The following INPP4B variants were observed in gnomAD, a reference collection of about 807,000 sequenced individuals.
INPP4B encodes inositol polyphosphate 4-phosphatase type II.
INPP4B carries 55 observed loss-of-function variants against 122.5 expected under a neutral mutation model. The observed-to-expected ratio is 0.45, with a 90% CI of 0.36 to 0.56. The LOEUF is 0.56. Among genes scored for constraint, INPP4B ranks in the 20% least tolerant of loss-of-function variants. The probability of loss-of-function intolerance (pLI) is 0.00; values close to 1 mark genes in which losing one functional copy is unlikely to be tolerated. For synonymous variants in INPP4B, 403 were observed against 388.7 expected, an observed-to-expected ratio of 1.04 and a Z score of -0.43; for missense variants, 1,000 against 1,097.7, an observed-to-expected ratio of 0.91 and a Z score of 1.26.
chr4:142,817,995 G>C (rs886945401), intron 1 of INPP4B, among the ~76,000 whole-genome samples: 12 of 152,162 alleles, frequency 7.9e-5, no homozygotes, highest in African/African-American at 2.6e-4. Flanking sequence ...AGAGTGAAAG[G>C]GAGGGAAAGA....
chr4:142,496,857 C>A (rs1822639740), intron 2 of INPP4B: 1 of 151,388 alleles, frequency 6.6e-6, no homozygotes, highest in African/African-American at 2.4e-5. Flanking sequence ...AAAAGATATA[C>A]TTTAAGACTG....
chr4:142,730,931 G>A (rs557017541), intron 1 of INPP4B, among the ~76,000 whole-genome samples: 6 of 151,570 alleles, frequency 4.0e-5, no homozygotes, highest in African/African-American at 1.5e-4. Context: ...GCATAGCAGT[G>A]GCATAGCAGT....
At chr4:142,152,143 G>C (rs1326530870) in intron 17 of INPP4B, among the ~76,000 whole-genome samples, 2 of 130,536 alleles carry the variant, frequency 1.5e-5, no homozygotes, top group Non-Finnish European at 3.1e-5. Context: ...CCACAATCTC[G>C]GCTCACTGCA....
intron 3 of INPP4B, among the ~76,000 whole-genome samples, chr4:142,451,891 G>A (rs866858608): frequency 2.0e-5 from 3 of 152,158 alleles, no homozygotes; most frequent in African/African-American, 7.2e-5. Context: ...TATATGAAGG[G>A]AAGGGGGTGC....
intron 2 of INPP4B, among the ~76,000 whole-genome samples, chr4:142,520,380 A>G (rs958961408): frequency 5.3e-5 from 8 of 151,960 alleles, no homozygotes; most frequent in Admixed American, 3.3e-4. Context: ...TGATATTTTC[A>G]TTTAATACCC....
chr4:142,506,191 A>T (rs190376539), intron 2 of INPP4B, among the ~76,000 whole-genome samples: 1 of 152,326 alleles, frequency 6.6e-6, no homozygotes, highest in Admixed American at 6.5e-5. Context: ...ATTTAAATGT[A>T]GCAGGATATT....
At chr4:142,502,005 G>A (rs1325598590) in intron 2 of INPP4B, among the ~76,000 whole-genome samples, 1 of 152,162 alleles carries the variant, frequency 6.6e-6, no homozygotes, top group African/African-American at 2.4e-5. Flanking sequence ...AGCTAGCTCT[G>A]AGAAGTAAGT....
intron 25 of INPP4B, among the ~76,000 whole-genome samples, chr4:142,040,788 A>G (rs762041674): frequency 3.9e-5 from 6 of 152,210 alleles, no homozygotes; most frequent in Non-Finnish European, 7.3e-5. Context: ...AACATTCTGT[A>G]GGTGTGTTTG....
intron 2 of INPP4B, among the ~76,000 whole-genome samples, chr4:142,580,686 C>T (rs1436914387): frequency 6.6e-6 from 1 of 152,012 alleles, no homozygotes; most frequent in African/African-American, 2.4e-5. Context: ...GCTTCACCTC[C>T]ACCCCCAAAA....
intron 2 of INPP4B, among the ~76,000 whole-genome samples, chr4:142,609,833 A>G (rs1455029839): frequency 1.3e-5 from 2 of 152,172 alleles, no homozygotes; most frequent in South Asian, 4.1e-4. Context: ...CTCACTGTTC[A>G]TAACACTCCC....
rs760400421 is a variant in INPP4B, at chr4:142,405,297, C to A, written c.164G>T (p.Arg55Leu). ...CACCAGTGTATTCAGTTTACGATCA[C>A]GGACAGGAGCCACGAGATCCTTGCA... ...LACKDLVAPVRDRKLNTLVQI... is the reference protein window; with the variant it reads ...LACKDLVAPVLDRKLNTLVQI... Residue 55 changes from arginine to leucine, a missense_variant, in exon 6 of 26, where the codon CGT (arginine) becomes CTT (leucine). Arg to Leu is a moderately radical substitution (Grantham distance 102). Coordinates refer to ENST00000262992, the MANE Select transcript of INPP4B (RefSeq NM_001101669.3). 6.2e-7 allele frequency: 1 copy of A among 1,612,578 alleles called. No homozygotes were observed. The highest frequency in any genetic ancestry group is 2.2e-5 in the East Asian group (1 of 44,862).
chr4:142,772,819 C>A (rs1360274758), intron 1 of INPP4B, among the ~76,000 whole-genome samples: 2 of 151,842 alleles, frequency 1.3e-5, no homozygotes, highest in African/African-American at 4.8e-5. Context: ...CCAAGGCAGG[C>A]AGATTGCCTG....
chr4:142,826,955 T>C (rs1166487307), intron 1 of INPP4B, among the ~76,000 whole-genome samples: 3 of 152,206 alleles, frequency 2.0e-5, no homozygotes, highest in Admixed American at 2.0e-4. Flanking sequence ...GGCCTATTGG[T>C]GCCTTTCGGT....
At chr4:142,274,759 C>T (rs1396408905) in intron 9 of INPP4B, among the ~76,000 whole-genome samples, 4 of 151,722 alleles carry the variant, frequency 2.6e-5, no homozygotes, top group Admixed American at 6.6e-5. Flanking sequence ...CTGCAGTAAT[C>T]AGTATCTCAA....
intron 3 of INPP4B, among the ~76,000 whole-genome samples, chr4:142,449,664 C>A (rs1485620074): frequency 6.6e-6 from 1 of 151,210 alleles, no homozygotes; most frequent in Non-Finnish European, 1.5e-5. Context: ...CGTGCCACTG[C>A]ACTCCAGCCT....
intron 3 of INPP4B, among the ~76,000 whole-genome samples, chr4:142,452,378 G>A (rs146989785): frequency 2.8e-4 from 43 of 152,318 alleles, no homozygotes; most frequent in African/African-American, 8.2e-4. Flanking sequence ...CATCTGACTC[G>A]TTAGATTTTG....
intron 5 of INPP4B, chr4:142,423,632 T>G (rs3775712): frequency 0.28 from 73,101 of 264,208 alleles, 10,648 homozygotes; most frequent in Non-Finnish European, 0.31. Context: ...ATTGTACCAG[T>G]ACATATTGTT....
chr4:142,637,798 A>G (rs996530306), intron 2 of INPP4B, among the ~76,000 whole-genome samples: 13 of 152,298 alleles, frequency 8.5e-5, no homozygotes, highest in Non-Finnish European at 1.8e-4. Flanking sequence ...GTGGCTGCAT[A>G]ACTTTGCATT....
chr4:142,541,792 T>C (rs1828975465), intron 2 of INPP4B, among the ~76,000 whole-genome samples: 1 of 152,134 alleles, frequency 6.6e-6, no homozygotes, highest in Non-Finnish European at 1.5e-5. Flanking sequence ...ACCCAGTTCC[T>C]GGAGCACATG....
Sources: gnomAD v4.1 joint callset for allele counts (sites outside exome capture counted in the v4.1 genomes callset) on GRCh38, gnomAD v4.1.1 for gene constraint, MANE v1.5 for transcripts, NCBI Gene and HGNC (gene_info 2026-07-23, HGNC 2026-07-21) for gene names.